FBXL13: variants seen among roughly 807,000 people sequenced by gnomAD.
FBXL13 encodes F-box and leucine-rich repeat protein 13.
In FBXL13, 67 loss-of-function variants were observed where a neutral mutation model predicts 83.6. That is an observed-to-expected ratio of 0.80 (90% CI 0.66 to 0.98). The LOEUF (loss-of-function observed/expected upper bound fraction) is 0.98, where lower values mean the gene tolerates loss of function less well. Ranked by LOEUF, FBXL13 falls within the 50% of genes least tolerant of loss-of-function variation. The pLI is 0.00. For synonymous variants in FBXL13, 272 were observed against 299.5 expected, an observed-to-expected ratio of 0.91 and a Z score of 0.95; for missense variants, 822 against 866.5, an observed-to-expected ratio of 0.95 and a Z score of 0.64.
intron 2 of FBXL13, among the ~76,000 whole-genome samples, chr7:103,046,591 G>C (rs1443796131): frequency 2.6e-5 from 4 of 152,290 alleles, no homozygotes; most frequent in South Asian, 2.1e-4. Context: ...CATGTATAAG[G>C]CTGGTGCAAA....
At chr7:102,924,238 C>CACA (rs1554460162) in intron 10 of FBXL13, among the ~76,000 whole-genome samples, 4 of 54,394 alleles carry the variant, frequency 7.4e-5, no homozygotes, top group African/African-American at 2.8e-4. Flanking sequence ...AACTCCGTCT[C>CACA]AAAAAAAAAA....
chr7:102,954,529 T>C (rs9718453), intron 8 of FBXL13, among the ~76,000 whole-genome samples: 2 of 151,924 alleles, frequency 1.3e-5, no homozygotes, highest in South Asian at 2.1e-4. Context: ...CAGGAAAACA[T>C]TCACACATCA....
At chr7:103,011,089 A>G (rs1791565760) in intron 6 of FBXL13, among the ~76,000 whole-genome samples, 1 of 152,194 alleles carries the variant, frequency 6.6e-6, no homozygotes, top group South Asian at 2.1e-4. Flanking sequence ...GGCCCACACA[A>G]ATGAGAAAGA....
At chr7:102,978,004 GAATT>G (rs1827721691) in intron 6 of FBXL13, among the ~76,000 whole-genome samples, 1 of 152,080 alleles carries the variant, frequency 6.6e-6, no homozygotes, top group African/African-American at 2.4e-5. Flanking sequence ...GTTAAATGAC[GAATT>G]AATGGGTGCG....
At chr7:103,024,833 G>GTATATATATATA (rs1232363692) in intron 6 of FBXL13, among the ~76,000 whole-genome samples, 1 of 95,986 alleles carries the variant, frequency 1.0e-5, no homozygotes, top group African/African-American at 4.6e-5. Flanking sequence ...ATATATATGT[G>GTATATATATATA]TATATATATA....
intron 5 of FBXL13, among the ~76,000 whole-genome samples, chr7:103,026,094 T>TGGACAATACTAAGA (rs1793879099): frequency 1.3e-5 from 2 of 152,130 alleles, no homozygotes; most frequent in East Asian, 3.9e-4. Flanking sequence ...GCTCAGCATA[T>TGGACAATACTAAGA]GGACAATACT....
chr7:102,888,018 A>AC (rs1264318414), intron 11 of FBXL13, among the ~76,000 whole-genome samples: 3 of 152,180 alleles, frequency 2.0e-5, no homozygotes, highest in African/African-American at 7.2e-5. Context: ...ATCATCTCCT[A>AC]CCATAGACCT....
intron 8 of FBXL13, among the ~76,000 whole-genome samples, chr7:102,941,328 G>A (rs1162919879): frequency 6.6e-6 from 1 of 152,142 alleles, no homozygotes; most frequent in Non-Finnish European, 1.5e-5. Flanking sequence ...AAAGAATCTG[G>A]AAGTGGAGAC....
intron 8 of FBXL13, chr7:102,944,567 C>T: frequency 3.7e-6 from 6 of 1,611,378 alleles, no homozygotes; most frequent in Non-Finnish European, 5.1e-6. Flanking sequence ...AGAGATCACA[C>T]CGCAAAGAAG....
chr7:102,836,441 C>A (rs564404795), intron 17 of FBXL13, among the ~76,000 whole-genome samples: 1 of 152,300 alleles, frequency 6.6e-6, no homozygotes, highest in Admixed American at 6.5e-5. Context: ...CATTTCCCCC[C>A]TACAGATAAG....
chr7:102,992,316 C>T (rs997144195), intron 6 of FBXL13, among the ~76,000 whole-genome samples: 1 of 152,214 alleles, frequency 6.6e-6, no homozygotes, highest in Non-Finnish European at 1.5e-5. Flanking sequence ...CATCTTGTTA[C>T]TGTCAACTTA....
At chr7:102,863,368 G>A (rs1282394849) in intron 16 of FBXL13, among the ~76,000 whole-genome samples, 2 of 152,198 alleles carry the variant, frequency 1.3e-5, no homozygotes, top group Non-Finnish European at 1.5e-5. Context: ...ACTCCAGGAT[G>A]TAGTTACTGG....
At chr7:102,939,683 CTG>C (rs1201104325) in intron 8 of FBXL13, 5 of 1,080,470 alleles carry the variant, frequency 4.6e-6, no homozygotes, top group Non-Finnish European at 2.6e-6. Flanking sequence ...TTAAAAGTAA[CTG>C]AACTAAATAA....
chr7:102,852,636 C>A (rs1032435421), intron 17 of FBXL13, among the ~76,000 whole-genome samples: 2 of 152,048 alleles, frequency 1.3e-5, no homozygotes, highest in African/African-American at 2.4e-5. Context: ...AACCACAATG[C>A]AAAACCATCT....
At chr7:103,008,729 T>C (rs955186955) in intron 6 of FBXL13, among the ~76,000 whole-genome samples, 1 of 152,130 alleles carries the variant, frequency 6.6e-6, no homozygotes, top group African/African-American at 2.4e-5. Flanking sequence ...GGCTAATTTT[T>C]GTATTTTTAG....
intron 16 of FBXL13, among the ~76,000 whole-genome samples, chr7:102,859,695 C>A (rs969240364): frequency 6.6e-6 from 1 of 152,138 alleles, no homozygotes; most frequent in African/African-American, 2.4e-5. Context: ...CAGATTGATG[C>A]TTACCTTTCA....
Position 102,917,002 on chromosome 7 carries a change from A to G in FBXL13, c.879-3787T>C, listed in dbSNP as rs142050899. On this transcript the variant is annotated intron_variant, in intron 10 of 19. Transcript: ENST00000313221. ...TACTAAGATGAATGGAAAAGTATGTATTTAAATAAAAAATTCTCTGAAAAA... is the reference window on the plus strand; with the variant it reads ...TACTAAGATGAATGGAAAAGTATGTGTTTAAATAAAAAATTCTCTGAAAAA... Among the ~76,000 whole-genome samples, 568 of 152,254 alleles carry G rather than the reference A, an allele frequency of 3.7e-3. 5 individuals carry two copies. The highest frequency in any genetic ancestry group is 0.014 in the African/African-American group (561 of 41,542).
intron 17 of FBXL13, 56 bp downstream of exon 18, chr7:102,854,721 G>T: frequency 2.6e-6 from 3 of 1,161,548 alleles, no homozygotes; most frequent in South Asian, 1.7e-5. Flanking sequence ...GGAAAAAAAA[G>T]AAAAAAAGAA....
At chr7:103,053,648 A>T (rs190467959) in intron 2 of FBXL13, among the ~76,000 whole-genome samples, 1 of 152,280 alleles carries the variant, frequency 6.6e-6, no homozygotes, top group East Asian at 1.9e-4. Flanking sequence ...CTGAAACCAA[A>T]ACTATTCTGG....
Sources: allele counts gnomAD v4.1 joint callset (sites outside exome capture counted in the v4.1 genomes callset), GRCh38; gene constraint gnomAD v4.1.1; transcripts MANE v1.5; gene names NCBI Gene and HGNC (gene_info 2026-07-23, HGNC 2026-07-21).